Variants in DLGAP2 observed in about 807,000 individuals in gnomAD.
The protein encoded by DLGAP2 is DLG associated protein 2.
In DLGAP2, 26 loss-of-function variants were observed where a neutral mutation model predicts 100.3. That is an observed-to-expected ratio of 0.26 (90% CI 0.19 to 0.36). The LOEUF is 0.36. Ranked by LOEUF, DLGAP2 falls within the 10% of genes least tolerant of loss-of-function variation. The pLI, the probability that DLGAP2 is intolerant of heterozygous loss-of-function variation, is 1.00. For synonymous variants in DLGAP2, 886 were observed against 630.1 expected (o/e 1.41, Z -6.08); for missense variants, 1,858 against 1,453.2 (o/e 1.28, Z -4.53).
At chr8:769,288 G>A (rs902464981) in intron 1 of DLGAP2, among the ~76,000 whole-genome samples, 2 of 152,046 alleles carry the variant, frequency 1.3e-5, no homozygotes. Context: ...AAGAAGTATT[G>A]TTCTCTTGAG....
intron 1 of DLGAP2, among the ~76,000 whole-genome samples, chr8:851,825 C>G (rs910939486): frequency 1.3e-5 from 2 of 152,182 alleles, no homozygotes; most frequent in African/African-American, 4.8e-5. Flanking sequence ...GAAGCAGTGA[C>G]TGTTCCGTGA....
Position 818,499 on chromosome 8 carries a change from T to G in DLGAP2, c.18+80674T>G, listed in dbSNP as rs1446323991. 2.0e-5 allele frequency among the ~76,000 whole-genome samples: 3 copies of G among 152,220 alleles called. No individual in the cohort carries two copies. In the East Asian group the frequency reaches 5.8e-4, roughly 29 times the overall value. On this transcript the variant is annotated intron_variant, in intron 1 of 14. Coordinates refer to ENST00000637795, the MANE Select transcript of DLGAP2 (RefSeq NM_001346810.2). ...CTGCATTTCAGGGAGCCTGCAGCAC[T>G]GATCTAGTTCCTTCCAAGGGTCTGT...
At chr8:1,292,460 T>C (rs1396536454) in intron 3 of DLGAP2, among the ~76,000 whole-genome samples, 1 of 152,208 alleles carries the variant, frequency 6.6e-6, no homozygotes, top group African/African-American at 2.4e-5. Flanking sequence ...GTGTGTGTGA[T>C]CAACTTGACT....
chr8:1,258,078 G>T (rs1192018410), intron 2 of DLGAP2, among the ~76,000 whole-genome samples: 3 of 152,212 alleles, frequency 2.0e-5, no homozygotes, highest in Non-Finnish European at 4.4e-5. Flanking sequence ...TATTCTGCAG[G>T]CAGAGCCAAG....
At chr8:911,632 A>T (rs1371170298) in intron 2 of DLGAP2, among the ~76,000 whole-genome samples, 1 of 151,320 alleles carries the variant, frequency 6.6e-6, no homozygotes, top group Non-Finnish European at 1.5e-5. Flanking sequence ...TGCATGTATA[A>T]TGTATGTGGG....
At chr8:1,681,326 T>C (rs62483127) in intron 12 of DLGAP2, among the ~76,000 whole-genome samples, 19,064 of 146,972 alleles carry the variant, frequency 0.13, 1,403 homozygotes, top group South Asian at 0.25. Flanking sequence ...TGAAAAGATA[T>C]CTTTTAAAAA....
At chr8:1,468,393 C>G (rs1798687276) in intron 3 of DLGAP2, among the ~76,000 whole-genome samples, 2 of 152,212 alleles carry the variant, frequency 1.3e-5, no homozygotes, top group African/African-American at 4.8e-5. Flanking sequence ...AGAACCTCGC[C>G]TGTTCACACG....
At chr8:966,470 G>A (rs528365556) in intron 2 of DLGAP2, among the ~76,000 whole-genome samples, 1 of 152,318 alleles carries the variant, frequency 6.6e-6, no homozygotes, top group South Asian at 2.1e-4. Context: ...TTCTGTAGTT[G>A]AGTTAGTAAC....
chr8:1,202,505 C>T (rs1461778709), intron 2 of DLGAP2, among the ~76,000 whole-genome samples: 1 of 152,094 alleles, frequency 6.6e-6, no homozygotes. Context: ...AGATGTCAGA[C>T]ATACAAAAAC....
chr8:1,389,780 G>A (rs917743184), intron 3 of DLGAP2, among the ~76,000 whole-genome samples: 175 of 152,156 alleles, frequency 1.2e-3, no homozygotes, highest in East Asian at 1.9e-4. Context: ...GTACAACCCC[G>A]GGCGGAGACC....
At chr8:1,499,768 C>T (rs994625328) in intron 3 of DLGAP2, among the ~76,000 whole-genome samples, 2 of 152,222 alleles carry the variant, frequency 1.3e-5, no homozygotes, top group Non-Finnish European at 2.9e-5. Context: ...TCTTAGTTCA[C>T]ATTTACCTGA....
At chr8:1,391,267 A>G (rs546502387) in intron 3 of DLGAP2, among the ~76,000 whole-genome samples, 6 of 152,350 alleles carry the variant, frequency 3.9e-5, no homozygotes, top group African/African-American at 1.4e-4. Context: ...GCAATGGGGC[A>G]TTCAAGGATT....
intron 2 of DLGAP2, among the ~76,000 whole-genome samples, chr8:1,218,180 G>A (rs140592689): frequency 3.9e-5 from 6 of 152,138 alleles, no homozygotes; most frequent in African/African-American, 1.4e-4. Flanking sequence ...TGTTCAGAAT[G>A]GTATTTTCTA....
At chr8:838,908 C>G (rs1034642760) in intron 1 of DLGAP2, among the ~76,000 whole-genome samples, 2 of 152,118 alleles carry the variant, frequency 1.3e-5, no homozygotes, top group Non-Finnish European at 2.9e-5. Flanking sequence ...TCTGAAATGG[C>G]GAGGTGCTGC....
chr8:1,337,221 GGAT>G (rs1394910757), intron 3 of DLGAP2, among the ~76,000 whole-genome samples: 2 of 144,926 alleles, frequency 1.4e-5, no homozygotes, highest in South Asian at 2.3e-4. Context: ...ATGATGATGA[GGAT>G]GATGGTGGTG....
intron 1 of DLGAP2, among the ~76,000 whole-genome samples, chr8:813,777 A>G (rs1796414208): frequency 6.6e-6 from 1 of 152,074 alleles, no homozygotes; most frequent in African/African-American, 2.4e-5. Flanking sequence ...TTCTCCCTCC[A>G]CTGACTGAGG....
At chr8:931,036 G>A (rs1173338794) in intron 2 of DLGAP2, among the ~76,000 whole-genome samples, 1 of 152,080 alleles carries the variant, frequency 6.6e-6, no homozygotes, top group Non-Finnish European at 1.5e-5. Context: ...AATTGTCTTC[G>A]TCAAATGATT....
intron 6 of DLGAP2, among the ~76,000 whole-genome samples, chr8:1,581,629 A>G (rs972489191): frequency 2.6e-5 from 4 of 151,422 alleles, no homozygotes; most frequent in African/African-American, 9.7e-5. Flanking sequence ...GGATACAGAC[A>G]AAACACCACA....
intron 2 of DLGAP2, among the ~76,000 whole-genome samples, chr8:1,173,630 T>G (rs4327880): frequency 6.6e-6 from 1 of 152,010 alleles, no homozygotes; most frequent in Non-Finnish European, 1.5e-5. Context: ...AGTTTGATCT[T>G]AGACTGCTGT....
Sources: allele counts gnomAD v4.1 joint callset (sites outside exome capture counted in the v4.1 genomes callset), GRCh38; gene constraint gnomAD v4.1.1; transcripts MANE v1.5; gene names NCBI Gene and HGNC (gene_info 2026-07-23, HGNC 2026-07-21).